ARHGAP32: variants seen among roughly 807,000 people sequenced by gnomAD.
The protein encoded by ARHGAP32 is Rho GTPase activating protein 32.
A neutral mutation model predicts 186.5 loss-of-function variants in ARHGAP32; 51 were observed. The ratio of observed to expected loss-of-function variants is 0.27; its 90% CI spans 0.22 to 0.35. ARHGAP32 has a LOEUF of 0.35. Among genes scored for constraint, ARHGAP32 ranks in the 10% least tolerant of loss-of-function variants. The pLI, the probability that ARHGAP32 is intolerant of heterozygous loss-of-function variation, is 1.00. For missense variants in ARHGAP32, 2,186 were observed against 2,623.5 expected, an observed-to-expected ratio of 0.83 and a Z score of 3.64; for synonymous variants, 950 against 964.3, an observed-to-expected ratio of 0.99 and a Z score of 0.27.
intron 10 of ARHGAP32, among the ~76,000 whole-genome samples, chr11:129,061,449 G>A (rs1348612936): frequency 6.6e-6 from 1 of 152,120 alleles, no homozygotes; most frequent in Non-Finnish European, 1.5e-5. Flanking sequence ...ACATGCATAC[G>A]TATGATAAAG....
At chr11:129,147,939 A>T (rs914345634) in intron 2 of ARHGAP32, among the ~76,000 whole-genome samples, 3 of 152,220 alleles carry the variant, frequency 2.0e-5, no homozygotes, top group African/African-American at 7.2e-5. Flanking sequence ...TTACTATTCA[A>T]CTAGATTAAT....
intron 5 of ARHGAP32, among the ~76,000 whole-genome samples, chr11:129,118,399 T>A (rs1165868267): frequency 6.6e-6 from 1 of 151,922 alleles, no homozygotes; most frequent in African/African-American, 2.4e-5. Context: ...AAATTAATGG[T>A]ATGAAAAATA....
At chr11:129,166,435 A>G (rs1471525641) in intron 1 of ARHGAP32, among the ~76,000 whole-genome samples, 4 of 152,130 alleles carry the variant, frequency 2.6e-5, no homozygotes, top group Non-Finnish European at 5.9e-5. Context: ...CAGAATTTTT[A>G]AAAATTAAAA....
Position 128,973,056 on chromosome 11 carries a change from A to G in ARHGAP32, c.3450T>C (p.Thr1150=). The G allele has an allele frequency of 6.2e-7, 1 of 1,614,050 alleles. No homozygotes were observed. The highest frequency in any genetic ancestry group is 8.5e-7 in the Non-Finnish European group (1 of 1,180,036). The change falls in exon 22 of 23, where the codon ACT becomes ACC. Residue 1150 remains threonine, a synonymous_variant. Transcript: ENST00000682385. ...CTTGGTGATGTTGCTCCCCAGATTC[A>G]GTTGTGTTGGAATGGGTAGGATCCC... ...ATGDPTHSNT[T]ESGEQHHQVD...
chr11:129,102,704 A>G (rs1033934829), intron 5 of ARHGAP32, among the ~76,000 whole-genome samples: 8 of 152,212 alleles, frequency 5.3e-5, no homozygotes, highest in African/African-American at 1.9e-4. Context: ...CCAAAAACAG[A>G]AAACATCAAG....
At chr11:129,279,565 C>T (rs1461289441), upstream of ARHGAP32, among the ~76,000 whole-genome samples, 1 of 146,502 alleles carries the variant, frequency 6.8e-6, no homozygotes, top group African/African-American at 2.4e-5. Context: ...AGCCCGCCGC[C>T]CGCCCAGCCT....
intron 6 of ARHGAP32, among the ~76,000 whole-genome samples, chr11:129,092,584 T>C (rs1941609704): frequency 1.3e-5 from 2 of 152,056 alleles, no homozygotes; most frequent in South Asian, 4.1e-4. Context: ...ATATAAACAA[T>C]ACGTGAATTT....
At chr11:129,194,748 C>T (rs866988460), upstream of ARHGAP32, among the ~76,000 whole-genome samples, 2 of 150,792 alleles carry the variant, frequency 1.3e-5, no homozygotes, top group African/African-American at 2.4e-5. Flanking sequence ...AGTGAAACTC[C>T]GTCTCAAAAA....
chr11:129,065,436 A>T (rs1219076286), intron 7 of ARHGAP32, among the ~76,000 whole-genome samples: 2 of 152,110 alleles, frequency 1.3e-5, no homozygotes, highest in African/African-American at 4.8e-5. Flanking sequence ...GGAATTAGGA[A>T]TTGTGACACA....
At chr11:129,269,848 TA>T (rs1945453197) in intron 1 of ARHGAP32, among the ~76,000 whole-genome samples, 1 of 152,164 alleles carries the variant, frequency 6.6e-6, no homozygotes, top group Admixed American at 6.5e-5. Context: ...GGCCAAAATT[TA>T]AAACACTGAC....
chr11:129,234,558 T>A (rs1287438733), intron 1 of ARHGAP32, among the ~76,000 whole-genome samples: 1 of 152,162 alleles, frequency 6.6e-6, no homozygotes, highest in African/African-American at 2.4e-5. Context: ...TATATCAATA[T>A]AATCTATATA....
intron 1 of ARHGAP32, among the ~76,000 whole-genome samples, chr11:129,261,669 A>G (rs1022786840): frequency 2.0e-5 from 3 of 152,222 alleles, no homozygotes; most frequent in African/African-American, 7.2e-5. Flanking sequence ...GGAATTCACC[A>G]GAGTTTTCAG....
At chr11:129,068,179 T>C (rs1181224487) in intron 6 of ARHGAP32, among the ~76,000 whole-genome samples, 1 of 152,070 alleles carries the variant, frequency 6.6e-6, no homozygotes, top group African/African-American at 2.4e-5. Flanking sequence ...ATCCCCACAT[T>C]TCACAGCTTT....
At chr11:129,214,121 A>C (rs1944614922) in intron 1 of ARHGAP32, among the ~76,000 whole-genome samples, 1 of 152,118 alleles carries the variant, frequency 6.6e-6, no homozygotes, top group African/African-American at 2.4e-5. Flanking sequence ...AAATCAAGGA[A>C]AGTCTGAGAA....
chr11:129,194,580 GGAA>G (rs1041066409), upstream of ARHGAP32, among the ~76,000 whole-genome samples: 3 of 152,054 alleles, frequency 2.0e-5, no homozygotes, highest in African/African-American at 7.2e-5. Flanking sequence ...GACTATCTAT[GGAA>G]GAAGAGGATC....
At chr11:129,233,986 T>C (rs545772803) in intron 1 of ARHGAP32, among the ~76,000 whole-genome samples, 2 of 152,200 alleles carry the variant, frequency 1.3e-5, no homozygotes, top group South Asian at 2.1e-4. Flanking sequence ...AGGGGTTCAA[T>C]TGTATAATAT....
intron 6 of ARHGAP32, among the ~76,000 whole-genome samples, chr11:129,083,634 G>C (rs1941291786): frequency 6.6e-6 from 1 of 151,880 alleles, no homozygotes; most frequent in South Asian, 2.1e-4. Flanking sequence ...TCAGGTGATG[G>C]GTACACCAAA....
At chr11:129,225,036 G>T (rs1185359617) in intron 1 of ARHGAP32, among the ~76,000 whole-genome samples, 1 of 152,060 alleles carries the variant, frequency 6.6e-6, no homozygotes, top group African/African-American at 2.4e-5. Flanking sequence ...CCTTCAAAGA[G>T]TTTAAGGCTG....
chr11:129,180,812 G>A (rs966660992), intron 1 of ARHGAP32, among the ~76,000 whole-genome samples: 2 of 152,046 alleles, frequency 1.3e-5, no homozygotes, highest in Non-Finnish European at 2.9e-5. Context: ...TGCATTCAAT[G>A]AAAATGAAAA....
Sources: gnomAD v4.1 joint callset for allele counts (sites outside exome capture counted in the v4.1 genomes callset) on GRCh38, gnomAD v4.1.1 for gene constraint, MANE v1.5 for transcripts, NCBI Gene and HGNC (gene_info 2026-07-23, HGNC 2026-07-21) for gene names.